ANKHD1: variants seen among roughly 807,000 people sequenced by gnomAD.
ANKHD1 encodes the protein ankyrin repeat and KH domain-containing protein 1.
In ANKHD1, 31 loss-of-function variants were observed where a neutral mutation model predicts 230.5. The observed-to-expected ratio is 0.13, with a 90% CI of 0.10 to 0.18. ANKHD1 has a LOEUF of 0.18. ANKHD1 is among the 10% of genes least tolerant of loss of function. The probability of loss-of-function intolerance (pLI) is 1.00; values close to 1 mark genes in which losing one functional copy is unlikely to be tolerated. For synonymous variants in ANKHD1, 1,074 were observed against 1,117.6 expected (o/e 0.96, Z 0.78); for missense variants, 2,256 against 3,071.3 (o/e 0.73, Z 6.27).
In ANKHD1 at chr5:140,510,006, GC is replaced by G. The variant is rs1331166388; in HGVS notation, c.3942-11del. The G allele has an allele frequency of 5.0e-6, 8 of 1,603,558 alleles. No individual in the cohort carries two copies. The African/African-American group carries it at 1.1e-4, about 22-fold the overall frequency. ...CTTACAGGAAACAAACTATTAATAT[GC>G]CTTGTTTACAGGGGAGCCCACATTG... On this transcript the variant is annotated splice_polypyrimidine_tract_variant and intron_variant, in intron 21 of 33. Transcript: ENST00000360839.
chr5:140,479,979 TA>T (rs1002137227), intron 10 of ANKHD1, among the ~76,000 whole-genome samples: 2 of 151,392 alleles, frequency 1.3e-5, no homozygotes, highest in African/African-American at 4.8e-5. Flanking sequence ...GATATATTAT[TA>T]TTTTTTTCTT....
At chr5:140,519,333 C>G (rs1035652416) in intron 24 of ANKHD1, among the ~76,000 whole-genome samples, 1 of 152,160 alleles carries the variant, frequency 6.6e-6, no homozygotes, top group Non-Finnish European at 1.5e-5. Context: ...GAATCAGTAT[C>G]GTGAAAATGG....
At chr5:140,403,105 G>T (rs755890750) in intron 1 of ANKHD1, among the ~76,000 whole-genome samples, 2 of 151,644 alleles carry the variant, frequency 1.3e-5, no homozygotes, top group Non-Finnish European at 2.9e-5. Flanking sequence ...GAGTAGCTGG[G>T]ATTACAGGCG....
intron 29 of ANKHD1, among the ~76,000 whole-genome samples, chr5:140,534,949 T>C (rs749157386): frequency 6.6e-6 from 1 of 152,322 alleles, no homozygotes; most frequent in Non-Finnish European, 1.5e-5. Context: ...AAAATGACTA[T>C]AGTTATACAG....
At chr5:140,403,655 G>C (rs1307440961) in intron 1 of ANKHD1, among the ~76,000 whole-genome samples, 1 of 152,034 alleles carries the variant, frequency 6.6e-6, no homozygotes, top group East Asian at 1.9e-4. Context: ...GTGATCCCAA[G>C]GGGCGGTATT....
At chr5:140,518,737 AC>A (rs1347786104) in intron 24 of ANKHD1, among the ~76,000 whole-genome samples, 2 of 152,070 alleles carry the variant, frequency 1.3e-5, no homozygotes, top group Non-Finnish European at 2.9e-5. Context: ...AAATTCAACA[AC>A]CCTTCATGCT....
At chr5:140,403,920 C>T (rs1770200813) in intron 1 of ANKHD1, among the ~76,000 whole-genome samples, 1 of 152,100 alleles carries the variant, frequency 6.6e-6, no homozygotes, top group African/African-American at 2.4e-5. Flanking sequence ...AGTATACTGT[C>T]TTATCATTCT....
chr5:140,533,969 C>T (rs1379628322), intron 29 of ANKHD1, among the ~76,000 whole-genome samples: 1 of 151,948 alleles, frequency 6.6e-6, no homozygotes, highest in Non-Finnish European at 1.5e-5. Context: ...CAGGAAAGCA[C>T]AGTAATAAAT....
At chr5:140,427,035 A>G (rs921303945) in intron 1 of ANKHD1, among the ~76,000 whole-genome samples, 3 of 151,714 alleles carry the variant, frequency 2.0e-5, no homozygotes, top group African/African-American at 7.3e-5. Flanking sequence ...TGTTGGGTAC[A>G]CCTCCCAGAC....
chr5:140,428,558 G>T (rs1423165334), intron 1 of ANKHD1, among the ~76,000 whole-genome samples: 2 of 152,206 alleles, frequency 1.3e-5, no homozygotes. Flanking sequence ...ATCAGGCAGG[G>T]AGGTTGCAGT....
intron 23 of ANKHD1, 69 bp downstream of exon 23, chr5:140,512,992 G>A (rs1317242582): frequency 7.0e-7 from 1 of 1,419,910 alleles, no homozygotes; most frequent in East Asian, 2.5e-5. Context: ...TGTGCAGTTA[G>A]GAACTTGTTC....
rs1435432384 is a variant in ANKHD1, at chr5:140,459,019, T to TGC, written c.1481-145_1481-144insGC. 4 of 110,388 alleles carry TGC rather than the reference T, an allele frequency of 3.6e-5. 1 individual carries two copies. The highest frequency in any genetic ancestry group is 8.5e-5 in the African/African-American group (2 of 23,562). 6.8% of individuals were successfully genotyped at this position (110,388 alleles called of 1,614,324 possible). A position where few individuals can be genotyped will look rare whatever the true frequency, so the allele number is the denominator to read the frequency against. On this transcript the variant is annotated intron_variant, in intron 8 of 33. Transcript: ENST00000360839. Reference sequence around the variant, plus strand: ...ATGCATATATATATATATATATATATATATATATATTGCATTGATGATAAA... The same window carrying TGC: ...ATGCATATATATATATATATATATATGCATATATATATTGCATTGATGATAAA...
chr5:140,467,894 T>C (rs1776204864), intron 10 of ANKHD1, among the ~76,000 whole-genome samples: 1 of 152,048 alleles, frequency 6.6e-6, no homozygotes, highest in Admixed American at 6.5e-5. Flanking sequence ...CCTTCATTCT[T>C]TGCTGCTGTC....
At chr5:140,438,227 T>TA (rs1343756635) in intron 2 of ANKHD1, among the ~76,000 whole-genome samples, 1 of 152,206 alleles carries the variant, frequency 6.6e-6, no homozygotes, top group African/African-American at 2.4e-5. Context: ...GACAAATTAA[T>TA]ATTATGTGCA....
chr5:140,471,130 A>G (rs1331143720), intron 10 of ANKHD1, among the ~76,000 whole-genome samples: 1 of 152,162 alleles, frequency 6.6e-6, no homozygotes, highest in Non-Finnish European at 1.5e-5. Flanking sequence ...TCAGTAATCA[A>G]AAAGTTTCAG....
Position 140,401,952 on chromosome 5 carries a change from G to C in ANKHD1, c.-16G>C, listed in dbSNP as rs745675168. 6.4e-7 allele frequency: 1 copy of C among 1,563,910 alleles called. No individual in the cohort carries two copies. The highest frequency in any genetic ancestry group is 1.9e-5 in the Admixed American group (1 of 52,080). ...CGCGAGTGGGTCGGCACCGTCTCCG[G>C]CTCCGGGTGCGAACAATGCTGACTG... On this transcript the variant is annotated 5_prime_UTR_variant, in exon 1 of 34. Coordinates refer to ENST00000360839, the MANE Select transcript of ANKHD1 (RefSeq NM_017747.3).
At chr5:140,453,795 A>C (rs1214388171) in intron 7 of ANKHD1, among the ~76,000 whole-genome samples, 2 of 152,222 alleles carry the variant, frequency 1.3e-5, no homozygotes, top group Non-Finnish European at 2.9e-5. Flanking sequence ...CTAGGAAGAA[A>C]CTGCATCAAC....
chr5:140,531,224 A>G (rs1190637113), intron 29 of ANKHD1: 2 of 358,216 alleles, frequency 5.6e-6, no homozygotes, highest in South Asian at 4.1e-5. Flanking sequence ...AACTGCTTGT[A>G]TGGTTTCTTT....
chr5:140,405,458 A>C (rs1283591788), intron 1 of ANKHD1, among the ~76,000 whole-genome samples: 1 of 152,106 alleles, frequency 6.6e-6, no homozygotes, highest in East Asian at 1.9e-4. Context: ...TGGCCAAGCA[A>C]AAATTTTCCC....
Sources: gnomAD v4.1 joint callset for allele counts (sites outside exome capture counted in the v4.1 genomes callset) on GRCh38, gnomAD v4.1.1 for gene constraint, MANE v1.5 for transcripts, NCBI Gene and HGNC (gene_info 2026-07-23, HGNC 2026-07-21) for gene names.